The following PTPRO variants were observed in gnomAD, a reference collection of about 807,000 sequenced individuals.
The protein encoded by PTPRO is protein tyrosine phosphatase receptor type O, also known as receptor-type tyrosine-protein phosphatase O.
PTPRO carries 62 observed loss-of-function variants against 145.2 expected under a neutral mutation model. That is an observed-to-expected ratio of 0.43 (90% CI 0.35 to 0.53). The LOEUF is 0.53. Ranked by LOEUF, PTPRO falls within the 20% of genes least tolerant of loss-of-function variation. The pLI is 0.01. For missense variants in PTPRO, 1,345 were observed against 1,482.7 expected (o/e 0.91, Z 1.53); for synonymous variants, 565 against 514.7 (o/e 1.10, Z -1.32).
At chr12:15,459,461 G>A (rs927334152) in intron 1 of PTPRO, among the ~76,000 whole-genome samples, 1 of 152,202 alleles carries the variant, frequency 6.6e-6, no homozygotes, top group African/African-American at 2.4e-5. Flanking sequence ...TGGGAACTGG[G>A]GGTTTCCTCC....
At chr12:15,440,986 C>G (rs761126114) in intron 1 of PTPRO, among the ~76,000 whole-genome samples, 7 of 152,168 alleles carry the variant, frequency 4.6e-5, no homozygotes, top group Non-Finnish European at 8.8e-5. Context: ...AAACTCTGAA[C>G]TTAAACTCAA....
chr12:15,468,481 C>G (rs896571135), intron 1 of PTPRO, among the ~76,000 whole-genome samples: 2 of 152,178 alleles, frequency 1.3e-5, no homozygotes, highest in Non-Finnish European at 2.9e-5. Context: ...TTCACATTCA[C>G]TGTCCTTAGG....
intron 1 of PTPRO, among the ~76,000 whole-genome samples, chr12:15,450,153 T>A (rs1308603235): frequency 6.6e-6 from 1 of 152,242 alleles, no homozygotes; most frequent in African/African-American, 2.4e-5. Flanking sequence ...TTTAACTTGA[T>A]ATTTCCTACA....
At chr12:15,544,950 C>G (rs1943252339) in intron 12 of PTPRO, among the ~76,000 whole-genome samples, 1 of 152,212 alleles carries the variant, frequency 6.6e-6, no homozygotes, top group African/African-American at 2.4e-5. Flanking sequence ...TTTCCTCCTT[C>G]AACTCTTCTG....
intron 1 of PTPRO, among the ~76,000 whole-genome samples, chr12:15,456,275 T>C (rs1374422351): frequency 6.6e-6 from 1 of 152,210 alleles, no homozygotes; most frequent in African/African-American, 2.4e-5. Context: ...ATCACATTAG[T>C]TGATTTTCAT....
chr12:15,322,640 A>T lies in PTPRO; in HGVS notation c.-87A>T. 8.6e-7 allele frequency: 1 copy of T among 1,161,332 alleles called. No homozygotes were observed. The highest frequency in any genetic ancestry group is 1.3e-6 in the Non-Finnish European group (1 of 791,848). The allele number at this position is 1,161,332 out of a possible 1,614,324, so 71.9% of individuals were successfully genotyped here. ...GAGCAACCTCGGCGCCCAGGGTCTG[A>T]GGCTGCAGCCCCAGTTCGCCATTGT... On this transcript the variant is annotated 5_prime_UTR_variant, in exon 1 of 27. The change abolishes the stop of an existing upstream ORF in the 5' untranslated region. Transcript: ENST00000281171. The surrounding 1 kb of genome is among the most constrained non-coding windows in gnomAD (Gnocchi z 6.3).
chr12:15,436,349 A>T (rs889074080), intron 1 of PTPRO, among the ~76,000 whole-genome samples: 1 of 152,264 alleles, frequency 6.6e-6, no homozygotes, highest in Non-Finnish European at 1.5e-5. Context: ...TAAAGCAAAC[A>T]CACAAAATAC....
chr12:15,474,709 G>T (rs1238237141), intron 1 of PTPRO, among the ~76,000 whole-genome samples: 4 of 152,094 alleles, frequency 2.6e-5, no homozygotes, highest in African/African-American at 9.7e-5. Flanking sequence ...AAATAAATCA[G>T]CATTGGACTT....
chr12:15,346,445 A>G (rs548257609), intron 1 of PTPRO: 1 of 152,150 alleles, frequency 6.6e-6, no homozygotes, highest in South Asian at 2.1e-4. Context: ...TCCATTTCCT[A>G]TTCTCCCACA....
At chr12:15,377,670 A>T (rs942851935) in intron 1 of PTPRO, among the ~76,000 whole-genome samples, 1 of 152,164 alleles carries the variant, frequency 6.6e-6, no homozygotes, top group Admixed American at 6.5e-5. Flanking sequence ...AAGATACTCC[A>T]TTCAATGACA....
chr12:15,592,140 T>C (rs1202875567), intron 25 of PTPRO, among the ~76,000 whole-genome samples: 1 of 152,196 alleles, frequency 6.6e-6, no homozygotes, highest in Non-Finnish European at 1.5e-5. Flanking sequence ...TATTTTTTCC[T>C]TGTTCCTCTG....
chr12:15,484,059 C>G lies in PTPRO; in HGVS notation c.161C>G (p.Ser54Cys), dbSNP rs1357723360. Reference protein sequence around the residue: ...LEASDVISPASVYVVKITGES... With the variant: ...LEASDVISPACVYVVKITGES... ...GCTTCAGACGTCATCAGTCCAGCAT[C>G]TGTGTATGTTGTGAAGATAACTGGT... The change falls in exon 2 of 27, where the codon TCT becomes TGT. Residue 54 changes from serine to cysteine, a missense_variant. Ser to Cys is a moderately radical substitution (Grantham distance 112). Around this residue, in one of 3 missense-constraint regions of PTPRO, gnomAD observed 1,130 missense variants for 1,214.7 expected, o/e 0.93. Transcript: ENST00000281171. 1.2e-6 allele frequency: 2 copies of G among 1,613,668 alleles called. No homozygotes were observed. Among genetic ancestry groups the G allele is most frequent in the Non-Finnish European group, 1.7e-6 (2 of 1,179,782 alleles).
At chr12:15,446,536 C>T (rs535731334) in intron 1 of PTPRO, among the ~76,000 whole-genome samples, 1 of 151,572 alleles carries the variant, frequency 6.6e-6, no homozygotes, top group African/African-American at 2.4e-5. Flanking sequence ...CTAATATTTG[C>T]TAGGGACAGG....
At chr12:15,353,217 C>T (rs1330480809) in intron 1 of PTPRO, among the ~76,000 whole-genome samples, 1 of 152,122 alleles carries the variant, frequency 6.6e-6, no homozygotes, top group Non-Finnish European at 1.5e-5. Flanking sequence ...CTCATCTACC[C>T]CACCCTACCC....
chr12:15,513,820 A>G (rs1045295024), intron 7 of PTPRO, among the ~76,000 whole-genome samples: 2 of 152,210 alleles, frequency 1.3e-5, no homozygotes, highest in Non-Finnish European at 2.9e-5. Flanking sequence ...CTCAAACTCT[A>G]TGAGGTATAT....
At chr12:15,424,407 A>T (rs1483832233) in intron 1 of PTPRO, among the ~76,000 whole-genome samples, 2 of 152,150 alleles carry the variant, frequency 1.3e-5, no homozygotes, top group Non-Finnish European at 2.9e-5. Flanking sequence ...ATTTGTAGTT[A>T]TCCATGAAAA....
chr12:15,558,415 G>A (rs867416352), intron 16 of PTPRO, among the ~76,000 whole-genome samples: 7 of 152,104 alleles, frequency 4.6e-5, no homozygotes, highest in South Asian at 2.1e-4. Flanking sequence ...TTAAGGACCC[G>A]GAAGGAGGAA....
chr12:15,435,769 T>C (rs1940578742), intron 1 of PTPRO, among the ~76,000 whole-genome samples: 1 of 152,210 alleles, frequency 6.6e-6, no homozygotes, highest in Admixed American at 6.5e-5. Context: ...TTCAGTACCA[T>C]GGATAGCAGA....
At chr12:15,339,302 G>C (rs2136212780) in intron 1 of PTPRO, among the ~76,000 whole-genome samples, 1 of 152,258 alleles carries the variant, frequency 6.6e-6, no homozygotes, top group Middle Eastern at 3.4e-3. Flanking sequence ...GAATAAAACA[G>C]TGGGGACAGA....
Sources: allele counts gnomAD v4.1 joint callset (sites outside exome capture counted in the v4.1 genomes callset), GRCh38; gene constraint gnomAD v4.1.1; regional missense constraint gnomAD v4.1.1; non-coding constraint Gnocchi (gnomAD v3.1); transcripts MANE v1.5; gene names NCBI Gene and HGNC (gene_info 2026-07-23, HGNC 2026-07-21).